The following SAMD12 variants were observed in gnomAD, a reference collection of about 807,000 sequenced individuals.
SAMD12 encodes the protein sterile alpha motif domain-containing protein 12.
In SAMD12, 9 loss-of-function variants were observed where a neutral mutation model predicts 15.0. The observed-to-expected ratio is 0.60, with a 90% CI of 0.36 to 1.05. SAMD12 has a LOEUF of 1.05. SAMD12 is among the 50% of genes least tolerant of loss of function. The pLI, the probability that SAMD12 is intolerant of heterozygous loss-of-function variation, is 0.01. For synonymous variants in SAMD12, 86 were observed against 90.1 expected (o/e 0.96, Z 0.25); for missense variants, 230 against 234.2 (o/e 0.98, Z 0.12).
chr8:118,579,921 C>A (rs1827243261), intron 2 of SAMD12, among the ~76,000 whole-genome samples: 1 of 152,142 alleles, frequency 6.6e-6, no homozygotes, highest in Non-Finnish European at 1.5e-5. Context: ...TAGTGCCAGT[C>A]CCATTGTAGG....
chr8:118,251,133 CAGG>C (rs797003732), intron 4 of SAMD12, among the ~76,000 whole-genome samples: 6 of 152,216 alleles, frequency 3.9e-5, no homozygotes, highest in African/African-American at 1.4e-4. Context: ...GAGTGAGAAA[CAGG>C]AGGAGTGGTC....
At position 118,205,593 on chromosome 8, in the gene SAMD12, C is replaced by T. The variant is rs530754427; in HGVS notation, c.434-7861G>A. 6.1e-4 allele frequency among the ~76,000 whole-genome samples: 93 copies of T among 152,300 alleles called. 1 individual carries two copies. The highest frequency in any genetic ancestry group is 9.6e-4 in the Non-Finnish European group (65 of 68,024). ...GCCTGTTAATTCCAGAAATGTTAAG[C>T]GAGAAATACAAGGTCTCAAGGCCCC... On this transcript the variant is annotated intron_variant, in intron 4 of 4. Coordinates refer to the SAMD12 transcript ENST00000409003.
intron 2 of SAMD12, among the ~76,000 whole-genome samples, chr8:118,571,126 T>A (rs939504730): frequency 6.6e-6 from 1 of 152,170 alleles, no homozygotes; most frequent in Non-Finnish European, 1.5e-5. Flanking sequence ...AAATTGGTAC[T>A]AGGAGTGGAC....
rs573691727 is a variant in SAMD12 at position 118,387,811 on chromosome 8, T to C, written c.323-8111A>G. The stretch of plus-strand genomic sequence containing the variant: ...AGGGTCAGGAAAACGTCTTCATCTC[T>C]GAGGGCTTAAATGCAAGCAGTGGGA... On this transcript the variant is annotated intron_variant, in intron 3 of 3. Coordinates refer to ENST00000314727, the MANE Select transcript of SAMD12 (RefSeq NM_207506.3). Among the ~76,000 whole-genome samples the C allele has an allele frequency of 7.0e-4, 106 of 152,306 alleles. 1 individual carries two copies. The highest frequency in any genetic ancestry group is 2.5e-3 in the African/African-American group (105 of 41,568).
intron 4 of SAMD12, among the ~76,000 whole-genome samples, chr8:118,301,997 A>G (rs548274380): frequency 6.6e-6 from 1 of 152,098 alleles, no homozygotes; most frequent in Non-Finnish European, 1.5e-5. Flanking sequence ...TAGGGACAAT[A>G]ATAAGACCAG....
chr8:118,234,710 C>CAAAAAAA (rs10647591), intron 4 of SAMD12, among the ~76,000 whole-genome samples: 39 of 105,446 alleles, frequency 3.7e-4, no homozygotes, highest in Middle Eastern at 5.7e-3. Flanking sequence ...GACTCCATCT[C>CAAAAAAA]AAAAAAAAAA....
At chr8:118,594,986 AT>A (rs1193971067) in intron 1 of SAMD12, among the ~76,000 whole-genome samples, 1 of 152,196 alleles carries the variant, frequency 6.6e-6, no homozygotes, top group East Asian at 1.9e-4. Flanking sequence ...AAAGTTAGAC[AT>A]TCCCTAAATA....
intron 2 of SAMD12, among the ~76,000 whole-genome samples, chr8:118,501,873 C>T (rs1316346205): frequency 1.3e-5 from 2 of 152,012 alleles, no homozygotes; most frequent in African/African-American, 2.4e-5. Flanking sequence ...AAATATTAGC[C>T]GGGCGTGGTG....
chr8:118,556,799 C>T (rs1826545362), intron 2 of SAMD12, among the ~76,000 whole-genome samples: 1 of 151,884 alleles, frequency 6.6e-6, no homozygotes, highest in Non-Finnish European at 1.5e-5. Flanking sequence ...CCCGTCTCTA[C>T]TAAAGATACA....
At position 118,191,756 on chromosome 8, in the gene SAMD12, T is replaced by TTCTCTCTCTCTCTCTCTCTCTCTC. The variant is rs1819380190; in HGVS notation, c.*5953_*5954insGAGAGAGAGAGAGAGAGAGAGAGA. ...TGTGGTTGAAAAAAAATACTGGAGA[T>TTCTCTCTCTCTCTCTCTCTCTCTC]TATATATATATATATATATATATAT... On this transcript the variant is annotated 3_prime_UTR_variant, in exon 5 of 5. Transcript: ENST00000409003. 6 of 15,360 alleles carry TTCTCTCTCTCTCTCTCTCTCTCTC rather than the reference T, an allele frequency of 3.9e-4. 1 individual carries two copies. Among genetic ancestry groups the TTCTCTCTCTCTCTCTCTCTCTCTC allele is most frequent in the African/African-American group, 1.3e-3 (6 of 4,672 alleles). The allele number at this position is 15,360 out of a possible 1,614,324, so 1.0% of individuals were successfully genotyped here.
At chr8:118,167,417 C>T in the SAMD12 span, among the ~76,000 whole-genome samples, 71 of 152,196 alleles carry the variant, frequency 4.7e-4, no homozygotes, top group African/African-American at 1.6e-3. Flanking sequence ...AACATGGAAC[C>T]TTCACAGAAC....
At chr8:118,599,533 T>TG (rs1827805295) in intron 1 of SAMD12, among the ~76,000 whole-genome samples, 1 of 152,190 alleles carries the variant, frequency 6.6e-6, no homozygotes, top group African/African-American at 2.4e-5. Context: ...CTCCCGCTCG[T>TG]GGGGTGCTCA....
intron 4 of SAMD12, among the ~76,000 whole-genome samples, chr8:118,232,121 C>T (rs560674930): frequency 1.3e-5 from 2 of 152,238 alleles, no homozygotes; most frequent in African/African-American, 4.8e-5. Context: ...TCTGTTATAG[C>T]ATTTACCCCA....
At chr8:118,326,093 C>G (rs1359702668) in intron 4 of SAMD12, among the ~76,000 whole-genome samples, 1 of 152,084 alleles carries the variant, frequency 6.6e-6, no homozygotes, top group Non-Finnish European at 1.5e-5. Flanking sequence ...CTTAATCACA[C>G]CTGGTGCTTC....
rs571279480 is a variant in SAMD12, at chr8:118,202,573, C to T, written c.434-4841G>A. Among the ~76,000 whole-genome samples the T allele has an allele frequency of 3.9e-4, 60 of 152,308 alleles. 1 individual carries two copies. The highest frequency in any genetic ancestry group is 2.9e-3 in the South Asian group (14 of 4,822). On this transcript the variant is annotated intron_variant, in intron 4 of 4. Coordinates refer to the SAMD12 transcript ENST00000409003. ...CTGGGATGGATTATGTCCCGCCCCA[C>T]CTTTCCTAACTCCAGCACACAGGGC...
At chr8:118,225,732 C>T (rs1357585146) in intron 4 of SAMD12, among the ~76,000 whole-genome samples, 1 of 151,524 alleles carries the variant, frequency 6.6e-6, no homozygotes, top group Non-Finnish European at 1.5e-5. Flanking sequence ...ATAAAACAGT[C>T]CCCCTTTTCA....
intron 4 of SAMD12, among the ~76,000 whole-genome samples, chr8:118,333,877 T>C (rs112964419): frequency 0.026 from 3,752 of 143,342 alleles, 140 homozygotes; most frequent in African/African-American, 0.09. Context: ...TGTGTGTGTG[T>C]GCGTTGGTGG....
chr8:118,568,318 A>C (rs1826905170), intron 2 of SAMD12, among the ~76,000 whole-genome samples: 2 of 152,202 alleles, frequency 1.3e-5, no homozygotes. Context: ...ACCTGGTTTG[A>C]ACTAGGAGCA....
At chr8:118,429,213 T>C (rs1394306516) in intron 3 of SAMD12, among the ~76,000 whole-genome samples, 1 of 152,230 alleles carries the variant, frequency 6.6e-6, no homozygotes, top group African/African-American at 2.4e-5. Flanking sequence ...TTAGTTCTTG[T>C]AGGATTTTTT....
Sources: allele counts gnomAD v4.1 joint callset (sites outside exome capture counted in the v4.1 genomes callset), GRCh38; gene constraint gnomAD v4.1.1; transcripts MANE v1.5; gene names NCBI Gene and HGNC (gene_info 2026-07-23, HGNC 2026-07-21).